ABCB1: variants seen among roughly 807,000 people sequenced by gnomAD.
ABCB1 encodes the protein ATP-dependent translocase ABCB1.
ABCB1 carries 69 observed loss-of-function variants against 142.0 expected under a neutral mutation model. That is an observed-to-expected ratio of 0.49 (90% CI 0.40 to 0.59). The LOEUF is 0.59. Among genes scored for constraint, ABCB1 ranks in the 20% least tolerant of loss-of-function variants. The pLI is 0.00. For missense variants in ABCB1, 1,326 were observed against 1,554.7 expected, an observed-to-expected ratio of 0.85 and a Z score of 2.47; for synonymous variants, 532 against 539.2, an observed-to-expected ratio of 0.99 and a Z score of 0.18.
chr7:87,662,298 A>T (rs1479867633), intron 1 of ABCB1, among the ~76,000 whole-genome samples: 2 of 151,932 alleles, frequency 1.3e-5, no homozygotes, highest in Non-Finnish European at 2.9e-5. Context: ...CCCTGTTCTT[A>T]TGGGGTGTCA....
At chr7:87,528,847 C>T (rs886456965) in intron 21 of ABCB1, among the ~76,000 whole-genome samples, 7 of 152,216 alleles carry the variant, frequency 4.6e-5, no homozygotes, top group East Asian at 1.9e-4. Flanking sequence ...ATATGAATAA[C>T]GTAAAGTCAG....
chr7:87,590,359 G>A (rs1818949205), intron 3 of ABCB1, among the ~76,000 whole-genome samples: 1 of 152,170 alleles, frequency 6.6e-6, no homozygotes, highest in Non-Finnish European at 1.5e-5. Flanking sequence ...AAAATCTCCT[G>A]CCTCCACGGA....
chr7:87,545,741 C>G (rs1816752010), intron 15 of ABCB1, 122 bp downstream of exon 15: 1 of 1,024,708 alleles, frequency 9.8e-7, no homozygotes, highest in South Asian at 1.7e-5. Flanking sequence ...CATCCTGAAT[C>G]CCCCAGGTGT....
upstream of ABCB1, among the ~76,000 whole-genome samples, chr7:87,602,292 C>CTTTTTT (rs59849542): frequency 1.1e-5 from 1 of 92,410 alleles, no homozygotes. Context: ...AGCTCGGCCT[C>CTTTTTT]TTTTTTTTTT....
chr7:87,638,298 G>A (rs745734862), intron 1 of ABCB1, among the ~76,000 whole-genome samples: 1 of 151,382 alleles, frequency 6.6e-6, no homozygotes, highest in Non-Finnish European at 1.5e-5. Context: ...GTCTGGTTTT[G>A]TCATTAAGAT....
At chr7:87,599,842 A>T (rs1469390531) in intron 2 of ABCB1, among the ~76,000 whole-genome samples, 1 of 152,184 alleles carries the variant, frequency 6.6e-6, no homozygotes, top group East Asian at 1.9e-4. Flanking sequence ...CCGGGCATGT[A>T]AAAAACGCTT....
intron 14 of ABCB1, among the ~76,000 whole-genome samples, chr7:87,548,414 C>T (rs921619688): frequency 3.3e-5 from 5 of 152,034 alleles, no homozygotes; most frequent in African/African-American, 1.2e-4. Context: ...GAGATGAAAT[C>T]ACAGATTAAG....
chr7:87,587,707 T>C (rs939931337), intron 3 of ABCB1, among the ~76,000 whole-genome samples: 2 of 151,522 alleles, frequency 1.3e-5, no homozygotes, highest in Non-Finnish European at 2.9e-5. Flanking sequence ...CCGTCTCTAT[T>C]AAAATACAAA....
chr7:87,583,105 G>A (rs1288460783), intron 4 of ABCB1, among the ~76,000 whole-genome samples: 6 of 152,162 alleles, frequency 3.9e-5, no homozygotes, highest in Admixed American at 3.9e-4. Flanking sequence ...TATCATCATT[G>A]AAAGTTATGT....
At chr7:87,520,905 G>C in intron 21 of ABCB1, 29 bp from the exon 22 acceptor site, 1 of 1,530,790 alleles carries the variant, frequency 6.5e-7, no homozygotes. Flanking sequence ...ATCACCAAGA[G>C]GCACAAGAGT....
Position 87,550,095 on chromosome 7 carries a change from T to C in ABCB1, c.1351-41A>G, listed in dbSNP as rs201011528. On this transcript the variant is annotated intron_variant, in intron 12 of 27. Transcript: ENST00000622132. ...AGTGTGACTTTCATACATTTGTAAT[T>C]GAAAGGGCAACATCAGAAAGATGTG... The C allele has an allele frequency of 2.5e-6, 4 of 1,613,986 alleles. No individual in the cohort carries two copies. In the Admixed American group the frequency reaches 6.7e-5, roughly 27 times the overall value.
At chr7:87,522,477 C>T (rs56036106) in intron 21 of ABCB1, 31,768 of 526,990 alleles carry the variant, frequency 0.06, 1,387 homozygotes, top group Non-Finnish European at 0.088. Flanking sequence ...AGGGAAGCTA[C>T]AGTTTACAAC....
chr7:87,573,284 T>C (rs773335965), intron 4 of ABCB1, among the ~76,000 whole-genome samples: 5 of 152,170 alleles, frequency 3.3e-5, no homozygotes, highest in Non-Finnish European at 5.9e-5. Context: ...CTCATTATCC[T>C]GGTTCTCCTA....
chr7:87,596,652 A>AT (rs1375438536), intron 2 of ABCB1, among the ~76,000 whole-genome samples: 1 of 151,996 alleles, frequency 6.6e-6, no homozygotes, highest in East Asian at 1.9e-4. Flanking sequence ...GATTTGTGTT[A>AT]TTTTTTACAC....
At chr7:87,569,969 T>C (rs1817968315) in intron 5 of ABCB1, among the ~76,000 whole-genome samples, 1 of 152,206 alleles carries the variant, frequency 6.6e-6, no homozygotes, top group Non-Finnish European at 1.5e-5. Context: ...AATGCATATA[T>C]GTCCATTTTA....
intron 1 of ABCB1, among the ~76,000 whole-genome samples, chr7:87,608,210 C>A (rs190032722): frequency 6.6e-6 from 1 of 152,282 alleles, no homozygotes; most frequent in African/African-American, 2.4e-5. Context: ...AAGTTCTGGT[C>A]ATTTGACATT....
chr7:87,639,963 A>G (rs1385740445), intron 1 of ABCB1, among the ~76,000 whole-genome samples: 1 of 151,346 alleles, frequency 6.6e-6, no homozygotes, highest in Non-Finnish European at 1.5e-5. Context: ...GCCTTCTTAA[A>G]TATTAATATT....
intron 1 of ABCB1, among the ~76,000 whole-genome samples, chr7:87,611,309 G>A (rs528058486): frequency 2.0e-5 from 3 of 152,094 alleles, no homozygotes; most frequent in South Asian, 4.2e-4. Context: ...CTGAGGTTTG[G>A]GCTTCTATTG....
At chr7:87,694,737 T>C (rs1334260834) in intron 1 of ABCB1, among the ~76,000 whole-genome samples, 2 of 152,140 alleles carry the variant, frequency 1.3e-5, no homozygotes, top group Non-Finnish European at 2.9e-5. Flanking sequence ...TTAAGCCTTA[T>C]GTTAATAATG....
Sources: gnomAD v4.1 joint callset for allele counts (sites outside exome capture counted in the v4.1 genomes callset) on GRCh38, gnomAD v4.1.1 for gene constraint, MANE v1.5 for transcripts, NCBI Gene and HGNC (gene_info 2026-07-23, HGNC 2026-07-21) for gene names.